Variants in PPP3CA observed in about 807,000 individuals in gnomAD.
The protein encoded by PPP3CA is protein phosphatase 3 catalytic subunit alpha.
PPP3CA carries 14 observed loss-of-function variants against 66.5 expected under a neutral mutation model. The ratio of observed to expected loss-of-function variants is 0.21; its 90% CI spans 0.14 to 0.33. PPP3CA has a LOEUF of 0.33. Ranked by LOEUF, PPP3CA falls within the 10% of genes least tolerant of loss-of-function variation. The pLI is 1.00. For missense variants in PPP3CA, 317 were observed against 639.5 expected, an observed-to-expected ratio of 0.50 and a Z score of 5.44; for synonymous variants, 232 against 226.2, an observed-to-expected ratio of 1.03 and a Z score of -0.23.
At chr4:101,324,152 G>A (rs1301126512) in intron 1 of PPP3CA, among the ~76,000 whole-genome samples, 37 of 111,456 alleles carry the variant, frequency 3.3e-4, no homozygotes, top group African/African-American at 2.7e-3. Flanking sequence ...AAGGAAGGGA[G>A]GGAGGAAGGA....
intron 1 of PPP3CA, among the ~76,000 whole-genome samples, chr4:101,237,715 G>A (rs1397428384): frequency 6.6e-6 from 1 of 151,972 alleles, no homozygotes; most frequent in African/African-American, 2.4e-5. Context: ...GTTTAGCATG[G>A]TGTCCCCAGC....
chr4:101,139,347 CAAAA>C (rs56658441), intron 2 of PPP3CA, among the ~76,000 whole-genome samples: 5 of 96,712 alleles, frequency 5.2e-5, no homozygotes, highest in Non-Finnish European at 6.5e-5. Flanking sequence ...GACTCCGTCT[CAAAA>C]AAAAAAAAAA....
chr4:101,045,384 G>A (rs939142721), intron 10 of PPP3CA, among the ~76,000 whole-genome samples: 1 of 152,220 alleles, frequency 6.6e-6, no homozygotes, highest in Non-Finnish European at 1.5e-5. Flanking sequence ...CAAATCAGCT[G>A]TAGGGGAAAC....
intron 1 of PPP3CA, among the ~76,000 whole-genome samples, chr4:101,272,154 A>G (rs1035542504): frequency 4.6e-5 from 7 of 152,154 alleles, no homozygotes; most frequent in Admixed American, 1.3e-4. Context: ...CCTCCACTAT[A>G]CAACTTCTAT....
rs185645306 is a variant in PPP3CA at position 101,161,144 on chromosome 4, G to A, written c.259+34772C>T. On this transcript the variant is annotated intron_variant, in intron 2 of 13. Transcript: ENST00000394854. ...TATTCAGTACAGTAACGTGGTACAGGTTTGTAGCCGAGAAGCAATAGGCTA... is the reference window on the plus strand; with the variant it reads ...TATTCAGTACAGTAACGTGGTACAGATTTGTAGCCGAGAAGCAATAGGCTA... Among the ~76,000 whole-genome samples, 5 of 152,098 alleles carry A rather than the reference G, an allele frequency of 3.3e-5. No individual in the cohort carries two copies. In the East Asian group the frequency reaches 9.7e-4, roughly 29 times the overall value.
intron 1 of PPP3CA, among the ~76,000 whole-genome samples, chr4:101,316,850 A>G (rs923994182): frequency 1.3e-5 from 2 of 152,180 alleles, no homozygotes; most frequent in African/African-American, 4.8e-5. Context: ...GCTTTCACTT[A>G]TAAGTCAGTC....
intron 1 of PPP3CA, among the ~76,000 whole-genome samples, chr4:101,345,540 C>A (rs1358162891): frequency 6.6e-6 from 1 of 152,174 alleles, no homozygotes; most frequent in African/African-American, 2.4e-5. Flanking sequence ...ACAGCTCATG[C>A]CCATCTCTGC....
At chr4:101,254,592 C>T (rs1004556809) in intron 1 of PPP3CA, among the ~76,000 whole-genome samples, 3 of 151,818 alleles carry the variant, frequency 2.0e-5, no homozygotes, top group Non-Finnish European at 4.4e-5. Context: ...TATACCCACA[C>T]ATCATTTCAA....
At chr4:101,114,376 T>C (rs1030297396) in intron 2 of PPP3CA, among the ~76,000 whole-genome samples, 12 of 152,120 alleles carry the variant, frequency 7.9e-5, no homozygotes, top group Non-Finnish European at 1.0e-4. Flanking sequence ...GACACAAATA[T>C]TGATGGTTAT....
chr4:101,156,962 A>G (rs572286046), intron 2 of PPP3CA, among the ~76,000 whole-genome samples: 7 of 152,244 alleles, frequency 4.6e-5, no homozygotes, highest in African/African-American at 7.2e-5. Flanking sequence ...AACTACAGAC[A>G]AAATAGGCAG....
chr4:101,033,223 T>G (rs1045371025), intron 11 of PPP3CA, among the ~76,000 whole-genome samples: 1 of 151,946 alleles, frequency 6.6e-6, no homozygotes, highest in Non-Finnish European at 1.5e-5. Flanking sequence ...ATTGTATATA[T>G]ACACATATAC....
At chr4:101,227,328 C>T (rs1055209539) in intron 1 of PPP3CA, among the ~76,000 whole-genome samples, 9 of 151,842 alleles carry the variant, frequency 5.9e-5, no homozygotes, top group East Asian at 3.9e-4. Flanking sequence ...TAATCTGCTA[C>T]GTCTCCCCTC....
chr4:101,065,771 A>G (rs1443217535), intron 8 of PPP3CA, among the ~76,000 whole-genome samples: 1 of 152,142 alleles, frequency 6.6e-6, no homozygotes, highest in Non-Finnish European at 1.5e-5. Flanking sequence ...AAGAGGTTTT[A>G]GCTTTTGCCA....
chr4:101,204,764 A>G (rs1725079769), intron 1 of PPP3CA, among the ~76,000 whole-genome samples: 1 of 151,928 alleles, frequency 6.6e-6, no homozygotes, highest in Non-Finnish European at 1.5e-5. Context: ...ATTTTGAAAT[A>G]TATGCTACTG....
intron 13 of PPP3CA, among the ~76,000 whole-genome samples, chr4:101,027,139 C>T (rs1202550295): frequency 1.3e-5 from 2 of 152,206 alleles, no homozygotes; most frequent in Admixed American, 1.3e-4. Flanking sequence ...GTTTGCTTTA[C>T]TCCCTGTGAA....
rs1436316738 is a variant in PPP3CA at position 101,195,943 on chromosome 4, A to C, written c.232T>G (p.Leu78Val). 6.2e-7 allele frequency: 1 copy of C among 1,613,934 alleles called. No individual in the cohort carries two copies. The highest frequency in any genetic ancestry group is 1.1e-5 in the South Asian group (1 of 91,068). ...GASILRQEKN[L>V]LDIDAPVTVC... is the part of the protein sequence containing the mutation. ...GTGACTGGCGCATCAATATCCAGCA[A>C]ATTTTTTTCCTGTCGAAGAATTGAT... Residue 78 changes from leucine (L) to valine (V), a missense_variant, in exon 2 of 14, where the codon TTG becomes GTG. Leu to Val is a conservative substitution (Grantham distance 32, BLOSUM62 1). This residue lies in a region of PPP3CA where 76 missense variants were observed against 99.5 expected (regional missense o/e 0.76). Coordinates refer to ENST00000394854, the MANE Select transcript of PPP3CA (RefSeq NM_000944.5).
intron 2 of PPP3CA, among the ~76,000 whole-genome samples, chr4:101,150,393 G>C (rs1723100856): frequency 1.3e-5 from 2 of 152,158 alleles, no homozygotes; most frequent in Admixed American, 1.3e-4. Flanking sequence ...TGTGGCAATA[G>C]AAGACATAGG....
intron 7 of PPP3CA, among the ~76,000 whole-genome samples, chr4:101,081,206 A>G (rs1033304636): frequency 6.6e-6 from 1 of 152,142 alleles, no homozygotes. Context: ...GATGCAGTAT[A>G]TACAAGCATT....
intron 8 of PPP3CA, among the ~76,000 whole-genome samples, chr4:101,070,144 G>A (rs1327314600): frequency 1.3e-5 from 2 of 152,058 alleles, no homozygotes; most frequent in Non-Finnish European, 2.9e-5. Flanking sequence ...GTGGGAAGAA[G>A]ACAATAGAAG....
Sources: gnomAD v4.1 joint callset for allele counts (sites outside exome capture counted in the v4.1 genomes callset) on GRCh38, gnomAD v4.1.1 for gene constraint, gnomAD v4.1.1 regional missense constraint, MANE v1.5 for transcripts, NCBI Gene and HGNC (gene_info 2026-07-23, HGNC 2026-07-21) for gene names.